PTPRN2: variants seen among roughly 807,000 people sequenced by gnomAD.
PTPRN2 encodes receptor-type tyrosine-protein phosphatase N2.
Under a neutral mutation model 118.8 loss-of-function variants are expected in PTPRN2, and 74 were observed. The ratio of observed to expected loss-of-function variants is 0.62; its 90% CI spans 0.52 to 0.76. PTPRN2 has a LOEUF of 0.76. PTPRN2 is among the 30% of genes least tolerant of loss of function. The pLI, the probability that PTPRN2 is intolerant of heterozygous loss-of-function variation, is 0.00. For missense variants in PTPRN2, 1,481 were observed against 1,394.4 expected (o/e 1.06, Z -0.99); for synonymous variants, 641 against 608.0 (o/e 1.05, Z -0.80).
chr7:158,041,516 T>C (rs1310648137), intron 11 of PTPRN2, among the ~76,000 whole-genome samples: 1 of 152,010 alleles, frequency 6.6e-6, no homozygotes, highest in Non-Finnish European at 1.5e-5. Context: ...TACACACCTG[T>C]AGTCCCAGCT....
At chr7:158,498,394 G>GGA in intron 1 of PTPRN2, among the ~76,000 whole-genome samples, 1 of 152,150 alleles carries the variant, frequency 6.6e-6, no homozygotes. Flanking sequence ...CCAAATTCAG[G>GGA]ATACCTACCA....
intron 12 of PTPRN2, among the ~76,000 whole-genome samples, chr7:157,799,969 C>T (rs1805144983): frequency 6.6e-6 from 1 of 151,138 alleles, no homozygotes; most frequent in Non-Finnish European, 1.5e-5. Flanking sequence ...TCCTTTGTCC[C>T]TCAGAGGTAC....
chr7:157,859,781 GCCACCACCCACA>G, intron 12 of PTPRN2, among the ~76,000 whole-genome samples: 1 of 90,632 alleles, frequency 1.1e-5, no homozygotes, highest in Non-Finnish European at 2.2e-5. Context: ...GAGCCCCCCA[GCCACCACCCACA>G]CTCCTGCAGG....
intron 3 of PTPRN2, among the ~76,000 whole-genome samples, chr7:158,276,122 T>C (rs1798944425): frequency 1.3e-5 from 2 of 152,098 alleles, no homozygotes; most frequent in South Asian, 2.1e-4. Context: ...TCCTCTTCCA[T>C]CTGAACCTTC....
intron 3 of PTPRN2, among the ~76,000 whole-genome samples, chr7:158,312,937 TGA>T (rs1801981217): frequency 6.6e-6 from 1 of 151,372 alleles, no homozygotes; most frequent in South Asian, 2.1e-4. Context: ...AGCATGTCAA[TGA>T]GTGTGCAGGG....
At position 157,763,545 on chromosome 7, in the gene PTPRN2, TCCA is replaced by T. The variant is rs1802272482; in HGVS notation, c.1789-80611_1789-80609del. ...CCCCAGGGGAGCTGCACACTGAGCC[TCCA>T]CCTCCTTTTCAGAGTTGGGAGCAGC... On this transcript the variant is annotated intron_variant, in intron 12 of 22. Transcript: ENST00000389418. The surrounding 1 kb of genome is among the most constrained non-coding windows in gnomAD (Gnocchi z 4.9). Among the ~76,000 whole-genome samples, 1 of 152,010 alleles carries T rather than the reference TCCA, an allele frequency of 6.6e-6. No homozygotes were observed. The highest frequency in any genetic ancestry group is 2.4e-5 in the African/African-American group (1 of 41,408).
At chr7:158,076,823 C>T (rs1812396128) in intron 11 of PTPRN2, among the ~76,000 whole-genome samples, 3 of 152,212 alleles carry the variant, frequency 2.0e-5, no homozygotes, top group Non-Finnish European at 2.9e-5. Context: ...GTCTGAACAG[C>T]CCTGGCACCG....
intron 2 of PTPRN2, among the ~76,000 whole-genome samples, chr7:158,479,340 C>T (rs1459191888): frequency 6.6e-6 from 1 of 151,836 alleles, no homozygotes; most frequent in Non-Finnish European, 1.5e-5. Flanking sequence ...ACCCACTCGC[C>T]GACAGCCTCC....
intron 11 of PTPRN2, among the ~76,000 whole-genome samples, chr7:158,067,819 T>C (rs76188372): frequency 0.11 from 16,584 of 150,980 alleles, 2,343 homozygotes; most frequent in African/African-American, 0.33. Context: ...GGCTGGGCCG[T>C]GGGCAGCACA....
intron 14 of PTPRN2, among the ~76,000 whole-genome samples, chr7:157,637,248 G>C (rs1005590862): frequency 6.6e-6 from 1 of 152,128 alleles, no homozygotes; most frequent in Non-Finnish European, 1.5e-5. Flanking sequence ...ACAGATCATA[G>C]GAAAAGAGGG....
chr7:157,753,916 C>T (rs981378855), intron 12 of PTPRN2, among the ~76,000 whole-genome samples: 24 of 152,152 alleles, frequency 1.6e-4, no homozygotes, highest in African/African-American at 5.1e-4. Flanking sequence ...CCAGGCATCA[C>T]GCCCACACCT....
chr7:157,720,767 C>T (rs1799189753), intron 12 of PTPRN2, among the ~76,000 whole-genome samples: 6 of 152,222 alleles, frequency 3.9e-5, no homozygotes. Context: ...GATGGAGAAA[C>T]AGGCAGAATC....
chr7:158,298,638 TC>T (rs1800659388), intron 3 of PTPRN2, among the ~76,000 whole-genome samples: 1 of 152,084 alleles, frequency 6.6e-6, no homozygotes, highest in Non-Finnish European at 1.5e-5. Context: ...CCGAGAAACT[TC>T]CCAAGTGAAA....
chr7:157,954,291 T>C (rs1459496760), intron 11 of PTPRN2, among the ~76,000 whole-genome samples: 1 of 134,690 alleles, frequency 7.4e-6, no homozygotes, highest in Non-Finnish European at 1.6e-5. Context: ...TGCATGTGTG[T>C]CTATGTGGGT....
At chr7:157,563,944 C>T (rs552402311) in intron 21 of PTPRN2, among the ~76,000 whole-genome samples, 54 of 152,390 alleles carry the variant, frequency 3.5e-4, no homozygotes, top group African/African-American at 9.1e-4. Flanking sequence ...CTCCCGCACA[C>T]GCTCGAGGCA....
chr7:157,962,111 T>C (rs546830927), intron 11 of PTPRN2, among the ~76,000 whole-genome samples: 1 of 152,334 alleles, frequency 6.6e-6, no homozygotes, highest in African/African-American at 2.4e-5. Context: ...TATGAAACAG[T>C]TTCAGTGAAG....
chr7:157,691,442 T>C (rs1585246376), intron 12 of PTPRN2, among the ~76,000 whole-genome samples: 1 of 152,182 alleles, frequency 6.6e-6, no homozygotes, highest in East Asian at 1.9e-4. Context: ...TTGCTCCCTT[T>C]CCAAATGGAA....
chr7:158,355,663 C>T (rs1312545980), intron 2 of PTPRN2, among the ~76,000 whole-genome samples: 1 of 152,162 alleles, frequency 6.6e-6, no homozygotes, highest in South Asian at 2.1e-4. Flanking sequence ...ACAGAGTCCC[C>T]TCATTTGCTG....
chr7:158,263,811 A>G (rs1168847040), intron 3 of PTPRN2, among the ~76,000 whole-genome samples: 2 of 152,194 alleles, frequency 1.3e-5, no homozygotes, highest in African/African-American at 4.8e-5. Flanking sequence ...TGCATGGGAC[A>G]CTGAGTGAGA....
Sources: gnomAD v4.1 joint callset for allele counts (sites outside exome capture counted in the v4.1 genomes callset) on GRCh38, gnomAD v4.1.1 for gene constraint, Gnocchi (gnomAD v3.1) non-coding constraint, MANE v1.5 for transcripts, NCBI Gene and HGNC (gene_info 2026-07-23, HGNC 2026-07-21) for gene names.